The following FBXL17 variants were observed in gnomAD, a reference collection of about 807,000 sequenced individuals.
FBXL17 encodes the protein F-box and leucine rich repeat protein 17.
Under a neutral mutation model 66.2 loss-of-function variants are expected in FBXL17, and 22 were observed. The ratio of observed to expected loss-of-function variants is 0.33; its 90% CI spans 0.24 to 0.47. The LOEUF is 0.47. Among genes scored for constraint, FBXL17 ranks in the 20% least tolerant of loss-of-function variants. The pLI is 1.00. For missense variants in FBXL17, 878 were observed against 948.2 expected, an observed-to-expected ratio of 0.93 and a Z score of 0.97; for synonymous variants, 474 against 400.5, an observed-to-expected ratio of 1.18 and a Z score of -2.19.
intron 6 of FBXL17, among the ~76,000 whole-genome samples, chr5:108,035,064 A>G (rs1259779602): frequency 6.6e-6 from 1 of 152,146 alleles, no homozygotes; most frequent in African/African-American, 2.4e-5. Context: ...GTGACTCCAA[A>G]TTACTCAATT....
At chr5:108,036,727 A>G (rs1481967463) in intron 6 of FBXL17, among the ~76,000 whole-genome samples, 1 of 152,190 alleles carries the variant, frequency 6.6e-6, no homozygotes, top group Admixed American at 6.5e-5. Flanking sequence ...CACTGGCAGC[A>G]GGACTCACGC....
rs1753190601 is a variant in FBXL17, at chr5:108,185,483, TC to T, written c.1745+633del. On this transcript the variant is annotated intron_variant, in intron 6 of 8. Transcript: ENST00000542267. ...TTCCTGAGGCTTCTCCAGCCATACT[TC>T]CTGTACAGCCTGCAGAACTGTGAAT... Among the ~76,000 whole-genome samples the T allele has an allele frequency of 4.6e-5, 7 of 152,334 alleles. No individual in the cohort carries two copies. The South Asian group carries it at 1.5e-3, about 32-fold the overall frequency.
chr5:108,344,828 T>C (rs775540104), intron 4 of FBXL17, among the ~76,000 whole-genome samples: 1 of 152,230 alleles, frequency 6.6e-6, no homozygotes, highest in Non-Finnish European at 1.5e-5. Context: ...CTTTGTGGCA[T>C]GCACTATACA....
At chr5:107,962,239 G>A (rs547561249) in intron 7 of FBXL17, among the ~76,000 whole-genome samples, 7 of 152,252 alleles carry the variant, frequency 4.6e-5, no homozygotes, top group Admixed American at 2.0e-4. Context: ...TTTATGTTAC[G>A]TATACCTCAC....
At chr5:108,158,334 A>G (rs1752074322) in intron 6 of FBXL17, among the ~76,000 whole-genome samples, 2 of 152,218 alleles carry the variant, frequency 1.3e-5, no homozygotes, top group Non-Finnish European at 2.9e-5. Context: ...TATTGGATAC[A>G]TAAAAGTAAA....
intron 4 of FBXL17, among the ~76,000 whole-genome samples, chr5:108,312,533 T>TA (rs916784089): frequency 6.6e-6 from 1 of 151,402 alleles, no homozygotes; most frequent in Non-Finnish European, 1.5e-5. Context: ...AAAGTATGAG[T>TA]AAAAAAACTT....
intron 4 of FBXL17, among the ~76,000 whole-genome samples, chr5:108,324,798 C>T (rs1759774894): frequency 6.6e-6 from 1 of 151,788 alleles, no homozygotes; most frequent in African/African-American, 2.4e-5. Flanking sequence ...ATTACTCAGC[C>T]TATAGAAGGA....
intron 6 of FBXL17, among the ~76,000 whole-genome samples, chr5:108,175,050 A>C (rs535606891): frequency 1.2e-4 from 18 of 152,352 alleles, no homozygotes; most frequent in Non-Finnish European, 2.1e-4. Context: ...AAATAAATAA[A>C]TCTGTTAGAA....
intron 4 of FBXL17, among the ~76,000 whole-genome samples, chr5:108,263,263 G>A (rs1313988461): frequency 6.6e-6 from 1 of 152,100 alleles, no homozygotes; most frequent in Non-Finnish European, 1.5e-5. Flanking sequence ...CACAGTTGTA[G>A]AGGTCTTGGA....
intron 7 of FBXL17, among the ~76,000 whole-genome samples, chr5:108,020,070 G>A (rs1754530078): frequency 6.6e-6 from 1 of 151,886 alleles, no homozygotes; most frequent in South Asian, 2.1e-4. Flanking sequence ...TAGGACTGGA[G>A]TCATTTATTA....
intron 6 of FBXL17, among the ~76,000 whole-genome samples, chr5:108,047,803 G>C (rs186515701): frequency 6.6e-6 from 1 of 152,250 alleles, no homozygotes; most frequent in East Asian, 1.9e-4. Flanking sequence ...CCCTGGGCCT[G>C]AGCCCCTAGG....
chr5:108,029,423 C>G (rs574171704), intron 6 of FBXL17, among the ~76,000 whole-genome samples: 26 of 152,246 alleles, frequency 1.7e-4, no homozygotes, highest in Middle Eastern at 6.8e-3. Flanking sequence ...CTTTGAGTCT[C>G]AAGGATCATC....
chr5:108,036,303 A>G (rs1746838170), intron 6 of FBXL17, among the ~76,000 whole-genome samples: 1 of 152,166 alleles, frequency 6.6e-6, no homozygotes, highest in African/African-American at 2.4e-5. Flanking sequence ...TAAACCTTTC[A>G]TACACTTAGA....
chr5:108,128,583 A>G (rs577685320), intron 6 of FBXL17, among the ~76,000 whole-genome samples: 1 of 152,318 alleles, frequency 6.6e-6, no homozygotes, highest in Non-Finnish European at 1.5e-5. Context: ...TAAAAACAGC[A>G]ACCAAGAGAG....
In FBXL17 at chr5:107,860,568, T is replaced by C. The variant is rs1334945900; in HGVS notation, c.*1152A>G. The C allele has an allele frequency of 6.6e-6, 1 of 152,664 alleles. No individual in the cohort carries two copies. Among genetic ancestry groups the C allele is most frequent in the Non-Finnish European group, 1.5e-5 (1 of 68,020 alleles). 9.5% of individuals were successfully genotyped at this position (152,664 alleles called of 1,614,324 possible). On this transcript the variant is annotated 3_prime_UTR_variant, in exon 9 of 9. Transcript: ENST00000542267. ...CTGACAAGTGTAAACAGAATTTCAA[T>C]GAACAGATTTTCTAATTTTCTTTCT...
rs1375933383 is a variant in FBXL17 at position 107,881,106 on chromosome 5, G to A, written c.1896C>T (p.Asp632=). Residue 632 remains aspartate (D), a synonymous_variant, in exon 8 of 9, where the codon GAC becomes GAT. Transcript: ENST00000542267. ...TCTGTGCAATCAGGGTGGCTCCTTGGTCTGTGATTTCTTTACACCATCCGA... is the reference window on the plus strand; with the variant it reads ...TCTGTGCAATCAGGGTGGCTCCTTGATCTGTGATTTCTTTACACCATCCGA... The part of the protein sequence containing the change: ...VDVGWCKEIT[D]QGATLIAQSS... The A allele has an allele frequency of 1.9e-6, 3 of 1,613,890 alleles. No individual in the cohort carries two copies. Among genetic ancestry groups the A allele is most frequent in the African/African-American group, 2.7e-5 (2 of 74,884 alleles).
intron 7 of FBXL17, among the ~76,000 whole-genome samples, chr5:108,015,639 A>T (rs1363855535): frequency 6.6e-6 from 1 of 152,216 alleles, no homozygotes; most frequent in Non-Finnish European, 1.5e-5. Context: ...TATCAGTGCT[A>T]GTCTGGCAAC....
At chr5:108,170,351 T>G (rs1752561427) in intron 6 of FBXL17, among the ~76,000 whole-genome samples, 1 of 152,128 alleles carries the variant, frequency 6.6e-6, no homozygotes, top group East Asian at 1.9e-4. Flanking sequence ...ATGGGTATGA[T>G]AAGATATTAT....
At chr5:107,892,617 A>G (rs538100508) in intron 7 of FBXL17, among the ~76,000 whole-genome samples, 2 of 152,290 alleles carry the variant, frequency 1.3e-5, no homozygotes, top group South Asian at 4.1e-4. Context: ...GTGCTCCCCA[A>G]GGCAAACAAA....
Sources: allele counts gnomAD v4.1 joint callset (sites outside exome capture counted in the v4.1 genomes callset), GRCh38; gene constraint gnomAD v4.1.1; transcripts MANE v1.5; gene names NCBI Gene and HGNC (gene_info 2026-07-23, HGNC 2026-07-21).